Variants in C5orf47 observed in about 807,000 individuals in gnomAD.
C5orf47 encodes the protein chromosome 5 open reading frame 47, also known as uncharacterized protein C5orf47.
In C5orf47, 20 loss-of-function variants were observed where a neutral mutation model predicts 20.6. That is an observed-to-expected ratio of 0.97 (90% confidence interval 0.68 to 1.41). C5orf47 has a LOEUF of 1.41. C5orf47 is among the 40% of genes most tolerant of loss of function. C5orf47 has a pLI of 0.00. For synonymous variants in C5orf47, 106 were observed against 97.3 expected, an observed-to-expected ratio of 1.09 and a Z score of -0.53; for missense variants, 262 against 238.4, an observed-to-expected ratio of 1.10 and a Z score of -0.65.
intron 1 of C5orf47, 44 bp from the exon 2 acceptor site, chr5:173,998,109 A>C (rs1398384568): frequency 4.4e-6 from 5 of 1,126,002 alleles, no homozygotes. Flanking sequence ...CAGATAGTAA[A>C]TCCTTATATA....
chr5:173,996,158 AG>A (rs1257752413), intron 1 of C5orf47, among the ~76,000 whole-genome samples: 2 of 152,052 alleles, frequency 1.3e-5, no homozygotes, highest in East Asian at 1.9e-4. Flanking sequence ...GGGCTGAGAT[AG>A]GAGAATTAGG....
At chr5:173,997,687 C>G (rs1759122509) in intron 1 of C5orf47, among the ~76,000 whole-genome samples, 1 of 151,816 alleles carries the variant, frequency 6.6e-6, no homozygotes, top group African/African-American at 2.4e-5. Context: ...TCTTGAAGAA[C>G]AGGTAGAAAT....
At chr5:173,990,518 T>C (rs1195718868) in intron 1 of C5orf47, among the ~76,000 whole-genome samples, 4 of 152,230 alleles carry the variant, frequency 2.6e-5, no homozygotes, top group South Asian at 2.1e-4. Flanking sequence ...CACTGCAACC[T>C]ACGCTCCCCT....
chr5:174,005,156 G>A lies in C5orf47; in HGVS notation c.*902G>A, dbSNP rs1003846951. ...AACTTAGGAGGGAAAGACAAAATGA[G>A]GCTTGTTCATGATCAAATTCTGTGT... On this transcript the variant is annotated 3_prime_UTR_variant, in exon 5 of 5. Transcript: ENST00000340147. 3.9e-5 allele frequency: 6 copies of A among 152,062 alleles called. No homozygotes were observed. 9.4% of individuals were successfully genotyped at this position (152,062 alleles called of 1,614,324 possible). A position where few individuals can be genotyped will look rare whatever the true frequency, so the allele number is the denominator to read the frequency against.
rs1759258311 is a variant in C5orf47 at position 174,004,806 on chromosome 5, A to T, written c.*552A>T. 6.6e-6 allele frequency: 1 copy of T among 152,258 alleles called. No individual in the cohort carries two copies. Among genetic ancestry groups the T allele is most frequent in the Non-Finnish European group, 1.5e-5 (1 of 68,002 alleles). 9.4% of individuals were successfully genotyped at this position (152,258 alleles called of 1,614,324 possible). On this transcript the variant is annotated 3_prime_UTR_variant, in exon 5 of 5. Coordinates refer to ENST00000340147, the MANE Select transcript of C5orf47 (RefSeq NM_001144954.2). ...ATTATTTAAGCCATCTTTTCATCCT[A>T]AGGAAAATTAGTAAATGTATGCATT...
chr5:174,003,082 T>A (rs1214370333), intron 4 of C5orf47, among the ~76,000 whole-genome samples: 1 of 152,208 alleles, frequency 6.6e-6, no homozygotes, highest in African/African-American at 2.4e-5. Context: ...AACTTTGAGC[T>A]CTTGGTTAAG....
chr5:173,999,827 A>G, intron 3 of C5orf47, 28 bp downstream of exon 3: 6 of 1,225,196 alleles, frequency 4.9e-6, no homozygotes, highest in Non-Finnish European at 7.0e-6. Flanking sequence ...TTATTGTATT[A>G]AAAAGACTGG....
At chr5:173,992,892 C>G (rs892222129) in intron 1 of C5orf47, among the ~76,000 whole-genome samples, 3 of 152,188 alleles carry the variant, frequency 2.0e-5, no homozygotes, top group African/African-American at 4.8e-5. Flanking sequence ...GTTCTTTTCA[C>G]CTCAGAAACC....
chr5:174,008,009 G>T (rs1427444649), downstream of C5orf47, among the ~76,000 whole-genome samples: 1 of 152,206 alleles, frequency 6.6e-6, no homozygotes, highest in Non-Finnish European at 1.5e-5. Flanking sequence ...CTTGGTAAAA[G>T]ATGTGTGTGC....
chr5:174,000,540 CTG>C (rs1480654715), intron 3 of C5orf47, among the ~76,000 whole-genome samples: 2 of 152,104 alleles, frequency 1.3e-5, no homozygotes, highest in East Asian at 3.9e-4. Flanking sequence ...ATGAATGTTT[CTG>C]TGAGTTCTTA....
At chr5:173,990,007 A>G (rs1758959632) in intron 1 of C5orf47, among the ~76,000 whole-genome samples, 1 of 152,192 alleles carries the variant, frequency 6.6e-6, no homozygotes, top group African/African-American at 2.4e-5. Context: ...TTATCCTCCC[A>G]TAGGTTTTGC....
intron 4 of C5orf47, among the ~76,000 whole-genome samples, chr5:174,004,060 G>A (rs969016991): frequency 6.6e-6 from 1 of 152,178 alleles, no homozygotes; most frequent in African/African-American, 2.4e-5. Flanking sequence ...ATTGGCAGGA[G>A]TTAGAGTTGA....
intron 2 of C5orf47, 33 bp from the exon 3 acceptor site, chr5:173,999,667 T>C: frequency 9.4e-7 from 1 of 1,063,536 alleles, no homozygotes; most frequent in Non-Finnish European, 1.3e-6. Context: ...ACTTTTCTGC[T>C]CAGCATTCCT....
chr5:173,989,629 G>C, intron 1 of C5orf47, 41 bp downstream of exon 1: 1 of 1,359,560 alleles, frequency 7.4e-7, no homozygotes, highest in South Asian at 1.7e-5. Context: ...GCGGCGGGGC[G>C]GGACGGGGCG....
Position 173,989,562 on chromosome 5 carries a change from G to A in C5orf47, c.299G>A (p.Ser100Asn). Residue 100 changes from serine to asparagine, a missense_variant, in exon 1 of 5, where the codon AGC becomes AAC. Transcript: ENST00000340147. ...CAGCTGCGGGCATCGAGAGTTCAGA[G>A]CGGCACCAGACAGTCGGCGCGTGCA... ...SSQLRASRVQ[S>N]GTRQSARAGL... 1 of 1,497,498 alleles carries A rather than the reference G, an allele frequency of 6.7e-7. No individual in the cohort carries two copies. The highest frequency in any genetic ancestry group is 2.6e-5 in the East Asian group (1 of 39,202). 92.8% of individuals were successfully genotyped at this position (1,497,498 alleles called of 1,614,324 possible).
intron 1 of C5orf47, among the ~76,000 whole-genome samples, chr5:173,996,113 T>C (rs1171926737): frequency 6.6e-6 from 1 of 152,218 alleles, no homozygotes; most frequent in African/African-American, 2.4e-5. Context: ...AGGGAAGGCT[T>C]TATGATAGTG....
chr5:173,993,370 C>T (rs1581192988), intron 1 of C5orf47, among the ~76,000 whole-genome samples: 2 of 152,166 alleles, frequency 1.3e-5, no homozygotes, highest in African/African-American at 2.4e-5. Flanking sequence ...GAGCCAGGCG[C>T]GGTGGCTCAT....
At chr5:174,008,541 A>G (rs1013733380), downstream of C5orf47, among the ~76,000 whole-genome samples, 18 of 152,272 alleles carry the variant, frequency 1.2e-4, no homozygotes, top group Admixed American at 2.6e-4. Flanking sequence ...CTTTTGAAAA[A>G]CAACTTCTGG....
At chr5:173,996,142 C>T (rs1192181061) in intron 1 of C5orf47, among the ~76,000 whole-genome samples, 1 of 152,168 alleles carries the variant, frequency 6.6e-6, no homozygotes, top group Non-Finnish European at 1.5e-5. Context: ...ATGAGATTTA[C>T]ACATGGGGCT....
Sources: gnomAD v4.1 joint callset for allele counts (sites outside exome capture counted in the v4.1 genomes callset) on GRCh38, gnomAD v4.1.1 for gene constraint, MANE v1.5 for transcripts, NCBI Gene and HGNC (gene_info 2026-07-23, HGNC 2026-07-21) for gene names.